Variants in PKNOX2 observed in about 807,000 individuals in gnomAD.
PKNOX2 encodes PBX/knotted 1 homeobox 2.
In PKNOX2, 14 loss-of-function variants were observed where a neutral mutation model predicts 53.1. The observed-to-expected ratio is 0.26, with a 90% confidence interval of 0.17 to 0.41. The LOEUF (loss-of-function observed/expected upper bound fraction) is 0.41, where lower values mean the gene tolerates loss of function less well. Ranked by LOEUF, PKNOX2 falls within the 10% of genes least tolerant of loss-of-function variation. The pLI is 1.00. For missense variants in PKNOX2, 496 were observed against 602.8 expected (o/e 0.82, Z 1.85); for synonymous variants, 257 against 242.8 (o/e 1.06, Z -0.54).
intron 10 of PKNOX2, among the ~76,000 whole-genome samples, chr11:125,416,852 C>T (rs754424026): frequency 6.6e-6 from 1 of 152,018 alleles, no homozygotes; most frequent in Non-Finnish European, 1.5e-5. Flanking sequence ...TTCTTTGGTT[C>T]CCTTTGTCCT....
chr11:125,179,050 C>A (rs1002043658), intron 1 of PKNOX2, among the ~76,000 whole-genome samples: 5 of 152,170 alleles, frequency 3.3e-5, no homozygotes, highest in South Asian at 2.1e-4. Flanking sequence ...TCTGGCCACA[C>A]CCGTAGAACC....
intron 5 of PKNOX2, among the ~76,000 whole-genome samples, chr11:125,373,179 A>G (rs12290158): frequency 0.099 from 15,021 of 152,292 alleles, 1,495 homozygotes; most frequent in African/African-American, 0.25. Context: ...CTTTGTCACC[A>G]TCGGCTAGCT....
In PKNOX2 at chr11:125,189,427, G is replaced by A. The variant is rs867702457; in HGVS notation, c.-201+24651G>A. 5.8e-3 allele frequency among the ~76,000 whole-genome samples: 199 copies of A among 34,100 alleles called. 1 individual carries two copies. The highest frequency in any genetic ancestry group is 0.012 in the East Asian group (11 of 882). The allele number at this position is 34,100 out of a possible 152,430, so 22.4% of individuals were successfully genotyped here. A position where few individuals can be genotyped will look rare whatever the true frequency, so the allele number is the denominator to read the frequency against. ...TGTATATATATATGTGTGTGTGTGT[G>A]TGTGTGTGTGTGTGTGTGTGTATAT... On this transcript the variant is annotated intron_variant, in intron 1 of 12. Transcript: ENST00000298282.
In PKNOX2 at chr11:125,232,991, G is replaced by A. The variant is rs182041022; in HGVS notation, c.-200-2054G>A. On this transcript the variant is annotated intron_variant, in intron 1 of 12. Transcript: ENST00000298282. ...CTGTGAAAAAAAAGTGGGTTTGCAC[G>A]TGGACGTAGGATATACTAATTTGAT... is the stretch of plus-strand genomic sequence containing the variant. 2.4e-3 allele frequency among the ~76,000 whole-genome samples: 366 copies of A among 152,076 alleles called. 1 individual carries two copies. Among genetic ancestry groups the A allele is most frequent in the Non-Finnish European group, 4.4e-3 (299 of 68,006 alleles).
At chr11:125,314,413 G>T (rs1262733727) in intron 2 of PKNOX2, among the ~76,000 whole-genome samples, 2 of 152,164 alleles carry the variant, frequency 1.3e-5, no homozygotes, top group Non-Finnish European at 2.9e-5. Flanking sequence ...AAGTCCATCT[G>T]CATCTTAATG....
Position 125,389,951 on chromosome 11 carries a change from G to A in PKNOX2, c.399+4229G>A, listed in dbSNP as rs548702098. Among the ~76,000 whole-genome samples the A allele has an allele frequency of 3.0e-4, 46 of 152,248 alleles. 1 individual carries two copies. The highest frequency in any genetic ancestry group is 9.6e-4 in the African/African-American group (40 of 41,562). ...ACTCTGAAGAGGCAGGGCCAGAGGCGGAGGCTGTGGATAAGGAGGCACCTG... is the reference window on the plus strand; with the variant it reads ...ACTCTGAAGAGGCAGGGCCAGAGGCAGAGGCTGTGGATAAGGAGGCACCTG... On this transcript the variant is annotated intron_variant, in intron 6 of 12. Coordinates refer to ENST00000298282, the MANE Select transcript of PKNOX2 (RefSeq NM_001382323.2).
intron 1 of PKNOX2, among the ~76,000 whole-genome samples, chr11:125,232,736 T>C (rs1942319805): frequency 6.6e-6 from 1 of 152,222 alleles, no homozygotes; most frequent in South Asian, 2.1e-4. Context: ...ATATGGCTAT[T>C]ACTGCAGCCT....
intron 10 of PKNOX2, among the ~76,000 whole-genome samples, chr11:125,425,327 C>T (rs115771514): frequency 0.012 from 1,894 of 152,370 alleles, 43 homozygotes; most frequent in African/African-American, 0.043. Flanking sequence ...TCGTGTGAGG[C>T]TCCAGCTGTC....
At chr11:125,344,563 C>A (rs181209436) in intron 3 of PKNOX2, among the ~76,000 whole-genome samples, 3 of 152,300 alleles carry the variant, frequency 2.0e-5, no homozygotes, top group Admixed American at 2.0e-4. Flanking sequence ...CTGCTCTGTC[C>A]CCACTCTGTT....
At chr11:125,398,173 G>A (rs1450409886) in intron 7 of PKNOX2, 111 bp downstream of exon 7, 2 of 1,174,516 alleles carry the variant, frequency 1.7e-6, no homozygotes, top group African/African-American at 1.6e-5. Context: ...GACCCACTGG[G>A]TTCCTTTGCC....
intron 2 of PKNOX2, among the ~76,000 whole-genome samples, chr11:125,238,365 G>C (rs1942896609): frequency 6.6e-6 from 1 of 152,150 alleles, no homozygotes; most frequent in Non-Finnish European, 1.5e-5. Flanking sequence ...CTACATGCTA[G>C]GCATCATGCT....
At chr11:125,171,964 G>T (rs1955353761) in intron 1 of PKNOX2, among the ~76,000 whole-genome samples, 1 of 152,246 alleles carries the variant, frequency 6.6e-6, no homozygotes, top group South Asian at 2.1e-4. Flanking sequence ...AACCACAGGA[G>T]ACAACAGTGG....
In PKNOX2 at chr11:125,367,836, C is replaced by A; in HGVS notation, c.88-10C>A. On this transcript the variant is annotated splice_polypyrimidine_tract_variant and intron_variant, in intron 4 of 12. Transcript: ENST00000298282. ...GCTAACCCACCACCTCCCCTTTCTT[C>A]TCTCTGCAGATGACGGCAACCGCCC... 1 of 1,608,836 alleles carries A rather than the reference C, an allele frequency of 6.2e-7. No individual in the cohort carries two copies. Among genetic ancestry groups the A allele is most frequent in the Non-Finnish European group, 8.5e-7 (1 of 1,178,218 alleles).
chr11:125,188,955 C>A (rs575592469), intron 1 of PKNOX2, among the ~76,000 whole-genome samples: 3 of 152,058 alleles, frequency 2.0e-5, no homozygotes, highest in Non-Finnish European at 4.4e-5. Flanking sequence ...TTCTGAGTCC[C>A]GTGCTGGTGC....
chr11:125,168,689 T>TA (rs1955060196), intron 1 of PKNOX2, among the ~76,000 whole-genome samples: 2 of 152,378 alleles, frequency 1.3e-5, no homozygotes, highest in South Asian at 4.1e-4. Flanking sequence ...AAGGGGTCTC[T>TA]ATTAGCTTGG....
chr11:125,289,066 A>C lies in PKNOX2; in HGVS notation c.-129-42753A>C, dbSNP rs376135909. ...CATAGCAGGTGCCTTTTACCATTTC[A>C]TTGGCCTGAGACAGTCTCTCCTAGG... On this transcript the variant is annotated intron_variant, in intron 2 of 12. Transcript: ENST00000298282. 3.3e-5 allele frequency among the ~76,000 whole-genome samples: 5 copies of C among 152,346 alleles called. No homozygotes were observed. In the East Asian group the frequency reaches 7.7e-4, roughly 24 times the overall value.
At chr11:125,197,783 G>A (rs1379411359) in intron 1 of PKNOX2, among the ~76,000 whole-genome samples, 1 of 152,204 alleles carries the variant, frequency 6.6e-6, no homozygotes, top group Non-Finnish European at 1.5e-5. Flanking sequence ...CCGGTGCAGA[G>A]CTGGTGGGAC....
intron 1 of PKNOX2, among the ~76,000 whole-genome samples, chr11:125,225,891 C>G (rs762777287): frequency 3.1e-4 from 47 of 152,216 alleles, no homozygotes; most frequent in Non-Finnish European, 1.3e-4. Flanking sequence ...GAGCTAGACC[C>G]TTCTCCACAA....
At chr11:125,374,447 C>G (rs1565509810) in intron 5 of PKNOX2, among the ~76,000 whole-genome samples, 1 of 152,158 alleles carries the variant, frequency 6.6e-6, no homozygotes, top group East Asian at 1.9e-4. Context: ...TGACTATAGT[C>G]AGGGGGGTGA....
Sources: allele counts gnomAD v4.1 joint callset (sites outside exome capture counted in the v4.1 genomes callset), GRCh38; gene constraint gnomAD v4.1.1; transcripts MANE v1.5; gene names NCBI Gene and HGNC (gene_info 2026-07-23, HGNC 2026-07-21).